FGGY: variants seen among roughly 807,000 people sequenced by gnomAD.
FGGY encodes FGGY carbohydrate kinase domain-containing protein.
In FGGY, 72 loss-of-function variants were observed where a neutral mutation model predicts 71.3. The observed-to-expected ratio is 1.01, with a 90% CI of 0.84 to 1.23. FGGY has a LOEUF of 1.23. Among genes scored for constraint, FGGY ranks in the 50% most tolerant of loss-of-function variants. The pLI, the probability that FGGY is intolerant of heterozygous loss-of-function variation, is 0.00. For synonymous variants in FGGY, 251 were observed against 250.3 expected, an observed-to-expected ratio of 1.00 and a Z score of -0.02; for missense variants, 668 against 682.3, an observed-to-expected ratio of 0.98 and a Z score of 0.23.
intron 9 of FGGY, among the ~76,000 whole-genome samples, chr1:59,623,815 TC>T (rs1276011585): frequency 3.3e-5 from 5 of 152,190 alleles, no homozygotes; most frequent in African/African-American, 9.6e-5. Context: ...GGTGCACAGT[TC>T]CTGGAGGCAC....
intron 4 of FGGY, among the ~76,000 whole-genome samples, chr1:59,348,062 CA>C (rs2153222307): frequency 6.6e-6 from 1 of 152,228 alleles, no homozygotes; most frequent in Non-Finnish European, 1.5e-5. Flanking sequence ...ACTCATCTGA[CA>C]AAGGGCTAAT....
intron 7 of FGGY, among the ~76,000 whole-genome samples, chr1:59,515,315 G>A (rs772178061): frequency 1.3e-5 from 2 of 152,108 alleles, no homozygotes; most frequent in Non-Finnish European, 2.9e-5. Context: ...CCTAATACCT[G>A]TACCCGCATT....
intron 10 of FGGY, among the ~76,000 whole-genome samples, chr1:59,636,680 A>G (rs536845189): frequency 6.6e-6 from 1 of 152,222 alleles, no homozygotes; most frequent in South Asian, 2.1e-4. Context: ...GTAAATGGGG[A>G]AAAAAAGAGA....
chr1:59,343,995 T>C (rs953234724), intron 3 of FGGY, among the ~76,000 whole-genome samples: 4 of 152,176 alleles, frequency 2.6e-5, no homozygotes, highest in Non-Finnish European at 5.9e-5. Context: ...TCCTGATTCA[T>C]TGATGGTTGT....
intron 5 of FGGY, among the ~76,000 whole-genome samples, chr1:59,402,587 A>G (rs974110569): frequency 5.9e-5 from 9 of 152,228 alleles, no homozygotes; most frequent in African/African-American, 2.2e-4. Flanking sequence ...ACAGCTATAT[A>G]AAAGAGTTAC....
intron 5 of FGGY, among the ~76,000 whole-genome samples, chr1:59,442,154 T>G (rs1296018479): frequency 1.3e-5 from 2 of 152,316 alleles, no homozygotes; most frequent in East Asian, 3.9e-4. Flanking sequence ...GCTAATTGTT[T>G]GGGTTCCAAC....
intron 7 of FGGY, among the ~76,000 whole-genome samples, chr1:59,539,414 A>G (rs945941007): frequency 2.0e-5 from 3 of 152,232 alleles, no homozygotes; most frequent in Non-Finnish European, 2.9e-5. Context: ...CAGACAACCC[A>G]GAGGAAAACA....
chr1:59,664,324 G>A (rs930401252), intron 12 of FGGY, among the ~76,000 whole-genome samples: 2 of 152,188 alleles, frequency 1.3e-5, no homozygotes, highest in South Asian at 2.1e-4. Context: ...CTGGGACACC[G>A]AAAGGGAAGG....
intron 6 of FGGY, among the ~76,000 whole-genome samples, chr1:59,494,017 G>A (rs550116262): frequency 1.3e-5 from 2 of 152,216 alleles, no homozygotes; most frequent in Admixed American, 1.3e-4. Context: ...TGGCAGCCTA[G>A]GGTTTGATTC....
At chr1:59,463,067 A>G (rs2092364818) in intron 6 of FGGY, among the ~76,000 whole-genome samples, 1 of 152,236 alleles carries the variant, frequency 6.6e-6, no homozygotes, top group African/African-American at 2.4e-5. Context: ...CCAAATGTCC[A>G]TCAATGACAG....
intron 2 of FGGY, among the ~76,000 whole-genome samples, chr1:59,324,825 T>A (rs2047092054): frequency 6.6e-6 from 1 of 152,220 alleles, no homozygotes; most frequent in African/African-American, 2.4e-5. Flanking sequence ...ACATGGGGCA[T>A]CATGAGGTTA....
At chr1:59,477,975 A>G (rs1308672062) in intron 6 of FGGY, among the ~76,000 whole-genome samples, 3 of 152,134 alleles carry the variant, frequency 2.0e-5, no homozygotes, top group Non-Finnish European at 4.4e-5. Context: ...GGAGTAATGG[A>G]AATAACATGA....
At chr1:59,532,175 G>A (rs906298302) in intron 7 of FGGY, among the ~76,000 whole-genome samples, 2 of 152,080 alleles carry the variant, frequency 1.3e-5, no homozygotes, top group Non-Finnish European at 2.9e-5. Flanking sequence ...AAAAGAAGTG[G>A]GGATTCTAGA....
chr1:59,640,603 A>G (rs1266971378), intron 11 of FGGY, among the ~76,000 whole-genome samples: 2 of 151,536 alleles, frequency 1.3e-5, no homozygotes, highest in Non-Finnish European at 2.9e-5. Flanking sequence ...TGGCCCCTAA[A>G]ACGTTTCCCT....
At chr1:59,527,733 C>T (rs1256885356) in intron 7 of FGGY, among the ~76,000 whole-genome samples, 1 of 152,162 alleles carries the variant, frequency 6.6e-6, no homozygotes, top group Non-Finnish European at 1.5e-5. Flanking sequence ...TTAGAAATTA[C>T]TGTTTACTGG....
At chr1:59,750,646 T>C (rs1364609528) in intron 14 of FGGY, among the ~76,000 whole-genome samples, 3 of 152,160 alleles carry the variant, frequency 2.0e-5, no homozygotes, top group Non-Finnish European at 4.4e-5. Context: ...CTCCAATTCA[T>C]GGGGGTTACA....
intron 14 of FGGY, among the ~76,000 whole-genome samples, chr1:59,694,666 A>G (rs967560115): frequency 1.6e-4 from 24 of 151,332 alleles, no homozygotes; most frequent in African/African-American, 5.3e-4. Context: ...GAAAACTGCT[A>G]TGATGTTCAA....
intron 14 of FGGY, among the ~76,000 whole-genome samples, chr1:59,730,730 T>C (rs2098016214): frequency 6.6e-6 from 1 of 152,164 alleles, no homozygotes; most frequent in Non-Finnish European, 1.5e-5. Flanking sequence ...ATACCTCATC[T>C]AGCCCAAGCA....
chr1:59,550,476 A>C (rs2095591976), intron 7 of FGGY, among the ~76,000 whole-genome samples: 1 of 152,174 alleles, frequency 6.6e-6, no homozygotes, highest in South Asian at 2.1e-4. Context: ...GACATTAGGC[A>C]GAGTGTAGAG....
Sources: gnomAD v4.1 joint callset for allele counts (sites outside exome capture counted in the v4.1 genomes callset) on GRCh38, gnomAD v4.1.1 for gene constraint, MANE v1.5 for transcripts, NCBI Gene and HGNC (gene_info 2026-07-23, HGNC 2026-07-21) for gene names.